Variants in GATAD2A observed in about 807,000 individuals in gnomAD.
The protein encoded by GATAD2A is GATA zinc finger domain containing 2A.
Under a neutral mutation model 68.5 loss-of-function variants are expected in GATAD2A, and 12 were observed. The observed-to-expected ratio is 0.18, with a 90% confidence interval of 0.11 to 0.28. The LOEUF (loss-of-function observed/expected upper bound fraction) is 0.28, where lower values mean the gene tolerates loss of function less well. GATAD2A is among the 10% of genes least tolerant of loss of function. GATAD2A has a pLI of 1.00. For missense variants in GATAD2A, 755 were observed against 868.5 expected (o/e 0.87, Z 1.64); for synonymous variants, 410 against 375.3 (o/e 1.09, Z -1.07).
At chr19:19,444,370 C>A (rs917409989) in intron 1 of GATAD2A, among the ~76,000 whole-genome samples, 2 of 152,146 alleles carry the variant, frequency 1.3e-5, no homozygotes, top group African/African-American at 4.8e-5. Flanking sequence ...GACTTCAACC[C>A]TGCCTCTCTC....
At chr19:19,408,933 C>G (rs2050605713) in intron 1 of GATAD2A, among the ~76,000 whole-genome samples, 1 of 150,046 alleles carries the variant, frequency 6.7e-6, no homozygotes, top group Admixed American at 6.7e-5. Context: ...GCCGGGACCT[C>G]TTTGGGTCTT....
rs138595586 is a variant in GATAD2A, at chr19:19,491,063, C to T, written c.270-1243C>T. 6.6e-4 allele frequency among the ~76,000 whole-genome samples: 100 copies of T among 152,310 alleles called. 1 individual carries two copies. The highest frequency in any genetic ancestry group is 2.2e-3 in the African/African-American group (93 of 41,552). ...TTCAGTAGTGTCAGCTGTACACATA[C>T]ATCCTAGAGGATCGTTCACAGGAAA... On this transcript the variant is annotated intron_variant, in intron 2 of 11. Transcript: ENST00000683918.
chr19:19,465,273 AG>A, intron 1 of GATAD2A, 66 bp from the exon 2 acceptor site: 1 of 1,205,446 alleles, frequency 8.3e-7, no homozygotes, highest in African/African-American at 1.5e-5. Flanking sequence ...AACACTGAAA[AG>A]TCTCCAAGAA....
upstream of GATAD2A, among the ~76,000 whole-genome samples, chr19:19,405,482 G>A (rs1458684993): frequency 1.3e-5 from 2 of 152,166 alleles, no homozygotes; most frequent in Non-Finnish European, 2.9e-5. Flanking sequence ...TCGGCGGGGA[G>A]GGAGCCAGCC....
At chr19:19,470,154 T>C (rs1172497489) in intron 2 of GATAD2A, among the ~76,000 whole-genome samples, 4 of 133,288 alleles carry the variant, frequency 3.0e-5, no homozygotes, top group African/African-American at 8.8e-5. Flanking sequence ...TTTTTTTTTT[T>C]GTTTTTTTTT....
rs941867591 is a variant in GATAD2A, at chr19:19,506,196, T to C, written c.*722T>C. ...CCCTCGCTCCAGCTGAACGCCTCCA[T>C]TGCTGCTTGTTCTGGAGACCCCCGC... On this transcript the variant is annotated 3_prime_UTR_variant, in exon 12 of 12. Coordinates refer to ENST00000683918, the MANE Select transcript of GATAD2A (RefSeq NM_001384528.1). 2.3e-5 allele frequency: 9 copies of C among 398,544 alleles called. No individual in the cohort carries two copies. The highest frequency in any genetic ancestry group is 6.2e-5 in the African/African-American group (3 of 48,540). The allele number at this position is 398,544 out of a possible 1,614,324, so 24.7% of individuals were successfully genotyped here. A position where few individuals can be genotyped will look rare whatever the true frequency, so the allele number is the denominator to read the frequency against.
chr19:19,446,426 G>A (rs1006535827), intron 1 of GATAD2A, among the ~76,000 whole-genome samples: 7 of 150,424 alleles, frequency 4.7e-5, no homozygotes, highest in African/African-American at 1.7e-4. Context: ...ATATGTTCTG[G>A]ACACTAGACC....
chr19:19,397,059 G>A (rs532577611), intron 1 of GATAD2A, among the ~76,000 whole-genome samples: 32 of 152,288 alleles, frequency 2.1e-4, no homozygotes, highest in Non-Finnish European at 3.2e-4. Context: ...CATGGGCACA[G>A]GCAGAGACCT....
chr19:19,387,955 G>A (rs1309344321), intron 1 of GATAD2A, among the ~76,000 whole-genome samples: 1 of 152,050 alleles, frequency 6.6e-6, no homozygotes, highest in Non-Finnish European at 1.5e-5. Context: ...TGAATTCCGT[G>A]GGGTTGCCTC....
intron 1 of GATAD2A, chr19:19,429,104 T>C: frequency 1.4e-6 from 1 of 735,646 alleles, no homozygotes; most frequent in Non-Finnish European, 1.7e-6. Flanking sequence ...TTTTGTAGTC[T>C]CCTCCTCCGT....
intron 1 of GATAD2A, among the ~76,000 whole-genome samples, chr19:19,464,456 C>G (rs1261108933): frequency 6.6e-6 from 1 of 152,166 alleles, no homozygotes; most frequent in Non-Finnish European, 1.5e-5. Context: ...TGTGGAATGC[C>G]AGCCGCCTCC....
chr19:19,385,908 A>T (rs1363922022), exon 1 of GATAD2A: 1 of 149,570 alleles, frequency 6.7e-6, no homozygotes, highest in Non-Finnish European at 1.5e-5. Flanking sequence ...CCTCCCGCCC[A>T]GGGTCAGCGC....
chr19:19,473,700 G>A, intron 2 of GATAD2A, among the ~76,000 whole-genome samples: 1 of 151,810 alleles, frequency 6.6e-6, no homozygotes, highest in South Asian at 2.1e-4. Flanking sequence ...CACTTTGGGA[G>A]GCCGAGGCGG....
At chr19:19,467,868 T>C (rs1189265273) in intron 2 of GATAD2A, among the ~76,000 whole-genome samples, 2 of 152,224 alleles carry the variant, frequency 1.3e-5, no homozygotes, top group Non-Finnish European at 2.9e-5. Context: ...CAGAGGCAGA[T>C]ACAGTAGTAG....
At chr19:19,502,293 T>C (rs529622940) in intron 10 of GATAD2A, 38 bp from the exon 11 acceptor site, 2 of 1,501,452 alleles carry the variant, frequency 1.3e-6, no homozygotes, top group East Asian at 2.3e-5. Flanking sequence ...TGCTGTCTTT[T>C]CCCTGCATGA....
Position 19,471,084 on chromosome 19 carries a change from C to T in GATAD2A, c.269+5470C>T, listed in dbSNP as rs59937058. ...CAGCCTGGCCAACATGGTGAAACCC[C>T]GTCTCCACTAAAAATACAGAAATTT... On this transcript the variant is annotated intron_variant, in intron 2 of 11. Coordinates refer to ENST00000683918, the MANE Select transcript of GATAD2A (RefSeq NM_001384528.1). Among the ~76,000 whole-genome samples the T allele has an allele frequency of 6.0e-3, 916 of 152,108 alleles. 7 individuals are homozygous for T. Among genetic ancestry groups the T allele is most frequent in the African/African-American group, 0.021 (875 of 41,490 alleles).
intron 1 of GATAD2A, among the ~76,000 whole-genome samples, chr19:19,454,104 TCTC>T (rs1280816117): frequency 6.6e-6 from 1 of 151,770 alleles, no homozygotes; most frequent in African/African-American, 2.4e-5. Flanking sequence ...TTCAAGCAGT[TCTC>T]CTGCCTCAGC....
At chr19:19,420,182 T>C (rs2052199729) in intron 1 of GATAD2A, among the ~76,000 whole-genome samples, 1 of 143,712 alleles carries the variant, frequency 7.0e-6, no homozygotes, top group Non-Finnish European at 1.5e-5. Flanking sequence ...AGCTAGTTTT[T>C]TTTTTTTTTT....
intron 2 of GATAD2A, among the ~76,000 whole-genome samples, chr19:19,490,237 G>T (rs1433648100): frequency 6.6e-6 from 1 of 152,142 alleles, no homozygotes; most frequent in Non-Finnish European, 1.5e-5. Flanking sequence ...AGCTGTGGTG[G>T]GTGGAATTAG....
Sources: allele counts gnomAD v4.1 joint callset (sites outside exome capture counted in the v4.1 genomes callset), GRCh38; gene constraint gnomAD v4.1.1; transcripts MANE v1.5; gene names NCBI Gene and HGNC (gene_info 2026-07-23, HGNC 2026-07-21).